The following ULK4 variants were observed in gnomAD, a reference collection of about 807,000 sequenced individuals.
ULK4 encodes inactive serine/threonine-protein kinase ULK4.
ULK4 carries 133 observed loss-of-function variants against 160.6 expected under a neutral mutation model. The ratio of observed to expected loss-of-function variants is 0.83; its 90% CI spans 0.72 to 0.96. ULK4 has a LOEUF of 0.96. ULK4 is among the 40% of genes least tolerant of loss of function. ULK4 has a pLI of 0.00. For missense variants in ULK4, 1,580 were observed against 1,499.5 expected, an observed-to-expected ratio of 1.05 and a Z score of -0.89; for synonymous variants, 534 against 539.8, an observed-to-expected ratio of 0.99 and a Z score of 0.15.
In ULK4 at chr3:41,758,876, T is replaced by TA. The variant is rs553645048; in HGVS notation, c.2194-4389dup. 8.3e-3 allele frequency among the ~76,000 whole-genome samples: 1,104 copies of TA among 132,510 alleles called. 6 individuals carry two copies. The highest frequency in any genetic ancestry group is 0.019 in the African/African-American group (676 of 35,742). 86.9% of individuals were successfully genotyped at this position (132,510 alleles called of 152,430 possible). A position where few individuals can be genotyped will look rare whatever the true frequency, so the allele number is the denominator to read the frequency against. On this transcript the variant is annotated intron_variant, in intron 21 of 36. Coordinates refer to ENST00000301831, the MANE Select transcript of ULK4 (RefSeq NM_017886.4). ...CGACAGAGCAAGACTCCATCTCAAT[T>TA]AAAAAAAAAAAAAGGTGTAATTCAT...
intron 35 of ULK4, among the ~76,000 whole-genome samples, chr3:41,290,190 A>G (rs996015715): frequency 6.6e-6 from 1 of 152,130 alleles, no homozygotes; most frequent in African/African-American, 2.4e-5. Flanking sequence ...TTATTTTGCT[A>G]TAAGACTGAG....
chr3:41,873,017 G>A (rs998015123), intron 17 of ULK4, among the ~76,000 whole-genome samples: 59 of 152,194 alleles, frequency 3.9e-4, no homozygotes, highest in African/African-American at 1.4e-3. Context: ...GCCGAGTATG[G>A]TGGTAGACAC....
At chr3:41,319,400 ATC>A (rs1186093693) in intron 35 of ULK4, among the ~76,000 whole-genome samples, 1 of 152,218 alleles carries the variant, frequency 6.6e-6, no homozygotes, top group Non-Finnish European at 1.5e-5. Context: ...GTCCATGATT[ATC>A]TGATTATCAT....
intron 36 of ULK4, among the ~76,000 whole-genome samples, chr3:41,248,641 A>C (rs957121952): frequency 1.3e-5 from 2 of 152,254 alleles, no homozygotes; most frequent in African/African-American, 4.8e-5. Context: ...CACACCAGGA[A>C]GCAGATTTCA....
chr3:41,664,455 C>T lies in ULK4; in HGVS notation c.2979-756G>A, dbSNP rs540207092. The stretch of plus-strand genomic sequence containing the variant: ...CACTCTTCCCCCAGCAATCAAAATG[C>T]AGCACGTGTGTGTGATGTTTCTGCC... On this transcript the variant is annotated intron_variant, in intron 29 of 36. Coordinates refer to ENST00000301831, the MANE Select transcript of ULK4 (RefSeq NM_017886.4). Among the ~76,000 whole-genome samples the T allele has an allele frequency of 2.8e-4, 42 of 152,322 alleles. No individual in the cohort carries two copies. In the South Asian group the frequency reaches 7.7e-3, roughly 28 times the overall value.
intron 34 of ULK4, among the ~76,000 whole-genome samples, chr3:41,413,518 TA>T (rs575134525): frequency 1.3e-5 from 2 of 152,258 alleles, no homozygotes; most frequent in South Asian, 4.1e-4. Context: ...AAATGCTCAA[TA>T]AAAAGTAGAT....
At chr3:41,678,653 G>A (rs1336390503) in intron 29 of ULK4, among the ~76,000 whole-genome samples, 1 of 152,168 alleles carries the variant, frequency 6.6e-6, no homozygotes, top group Admixed American at 6.5e-5. Flanking sequence ...TTTGAATTGG[G>A]TGCTATTGTT....
At chr3:41,568,611 T>C (rs1386330250) in intron 31 of ULK4, among the ~76,000 whole-genome samples, 3 of 152,224 alleles carry the variant, frequency 2.0e-5, no homozygotes, top group Non-Finnish European at 4.4e-5. Flanking sequence ...CTAGCCTCCA[T>C]ACATTTCTAC....
At position 41,371,347 on chromosome 3, in the gene ULK4, T is replaced by C. The variant is rs544870290; in HGVS notation, c.3678+26732A>G. Among the ~76,000 whole-genome samples the C allele has an allele frequency of 5.8e-4, 89 of 152,230 alleles. 1 individual carries two copies. Among genetic ancestry groups the C allele is most frequent in the Admixed American group, 1.6e-3 (24 of 15,296 alleles). ...GGTCCCTGACCCCCGTGCCTCCTGA[T>C]GGGGAGATACCTCATGGCAGGAGTC... On this transcript the variant is annotated intron_variant, in intron 35 of 36. Transcript: ENST00000301831.
chr3:41,398,231 A>G lies in ULK4; in HGVS notation c.3526T>C (p.Ser1176Pro), dbSNP rs1008586735. 6.2e-6 allele frequency: 10 copies of G among 1,611,918 alleles called. No individual in the cohort carries two copies. Among genetic ancestry groups the G allele is most frequent in the Non-Finnish European group, 8.5e-6 (10 of 1,179,376 alleles). Residue 1176 changes from serine to proline, a missense_variant, in exon 35 of 37, where the codon TCA becomes CCA. Coordinates refer to ENST00000301831, the MANE Select transcript of ULK4 (RefSeq NM_017886.4). ...ACCAGTATAGACAGGCACTTGGATG[A>G]AACATCAAAAATCTCAGGATCTTCA... ...PNEDPEIFDVSSKCLSILVQL... is the reference protein window; with the variant it reads ...PNEDPEIFDVPSKCLSILVQL...
At chr3:41,665,499 T>C (rs1441736368) in intron 29 of ULK4, among the ~76,000 whole-genome samples, 5 of 152,164 alleles carry the variant, frequency 3.3e-5, no homozygotes, top group Non-Finnish European at 7.4e-5. Context: ...CAATGTTAAG[T>C]GGAATACAGT....
intron 34 of ULK4, among the ~76,000 whole-genome samples, chr3:41,431,058 A>G (rs1292811114): frequency 1.3e-5 from 2 of 152,222 alleles, no homozygotes; most frequent in East Asian, 3.9e-4. Flanking sequence ...ACTGAGTAAT[A>G]AAGACAACAG....
intron 21 of ULK4, among the ~76,000 whole-genome samples, chr3:41,755,151 G>C (rs533378491): frequency 1.4e-4 from 21 of 152,242 alleles, no homozygotes; most frequent in African/African-American, 4.8e-4. Flanking sequence ...ACGAATGTAA[G>C]TAGTCAGAAA....
chr3:41,920,185 A>C (rs979551428), intron 5 of ULK4, among the ~76,000 whole-genome samples: 1 of 152,192 alleles, frequency 6.6e-6, no homozygotes, highest in African/African-American at 2.4e-5. Flanking sequence ...AAATCTACCA[A>C]GAAGCTCTGA....
chr3:41,806,275 G>A (rs1273399997), intron 19 of ULK4, among the ~76,000 whole-genome samples: 1 of 151,376 alleles, frequency 6.6e-6, no homozygotes, highest in African/African-American at 2.4e-5. Context: ...TTTGCGTAGA[G>A]GTGTTTGTAG....
chr3:41,832,147 C>T (rs1200397775), intron 18 of ULK4, among the ~76,000 whole-genome samples: 1 of 152,206 alleles, frequency 6.6e-6, no homozygotes, highest in African/African-American at 2.4e-5. Context: ...AACCAATGTA[C>T]ATTCCCACCA....
intron 21 of ULK4, among the ~76,000 whole-genome samples, chr3:41,759,563 T>C (rs1459951255): frequency 2.0e-5 from 3 of 152,190 alleles, no homozygotes; most frequent in East Asian, 3.8e-4. Context: ...TCTCCCCAAA[T>C]TGACCTATAG....
At position 41,428,384 on chromosome 3, in the gene ULK4, C is replaced by T. The variant is rs555683296; in HGVS notation, c.3492+27113G>A. 2.0e-5 allele frequency among the ~76,000 whole-genome samples: 3 copies of T among 152,206 alleles called. No homozygotes were observed. The East Asian group carries it at 5.8e-4, about 29-fold the overall frequency. ...TTCAGTGCTATTCCCATTAAACTAC[C>T]ATTGACATTCTTCAAAGAATTAGAA... is the stretch of plus-strand genomic sequence containing the variant. On this transcript the variant is annotated intron_variant, in intron 34 of 36. Coordinates refer to ENST00000301831, the MANE Select transcript of ULK4 (RefSeq NM_017886.4).
At chr3:41,808,896 A>C (rs970660034) in intron 19 of ULK4, among the ~76,000 whole-genome samples, 1 of 152,124 alleles carries the variant, frequency 6.6e-6, no homozygotes, top group African/African-American at 2.4e-5. Flanking sequence ...CAGCCGGGTG[A>C]GGTGGCTCAC....
Sources: gnomAD v4.1 joint callset for allele counts (sites outside exome capture counted in the v4.1 genomes callset) on GRCh38, gnomAD v4.1.1 for gene constraint, MANE v1.5 for transcripts, NCBI Gene and HGNC (gene_info 2026-07-23, HGNC 2026-07-21) for gene names.